ASAP1: variants seen among roughly 807,000 people sequenced by gnomAD.
ASAP1 encodes the protein ArfGAP with SH3 domain, ankyrin repeat and PH domain 1.
In ASAP1, 43 loss-of-function variants were observed where a neutral mutation model predicts 145.2. That is an observed-to-expected ratio of 0.30 (90% CI 0.23 to 0.38). ASAP1 has a LOEUF of 0.38. ASAP1 is among the 10% of genes least tolerant of loss of function. The pLI is 1.00. For synonymous variants in ASAP1, 546 were observed against 515.5 expected (o/e 1.06, Z -0.80); for missense variants, 1,018 against 1,355.3 (o/e 0.75, Z 3.91).
At chr8:130,300,770 T>C (rs1200893495) in intron 3 of ASAP1, among the ~76,000 whole-genome samples, 2 of 152,230 alleles carry the variant, frequency 1.3e-5, no homozygotes, top group East Asian at 3.8e-4. Flanking sequence ...AACTGGATTC[T>C]TGAAAGCCCA....
chr8:130,367,626 G>C (rs913319495), intron 2 of ASAP1, among the ~76,000 whole-genome samples: 1 of 152,152 alleles, frequency 6.6e-6, no homozygotes, highest in Non-Finnish European at 1.5e-5. Flanking sequence ...GCACCTTGGG[G>C]CACAGGCTCT....
chr8:130,171,418 T>G (rs1813587722), intron 9 of ASAP1, among the ~76,000 whole-genome samples: 1 of 151,928 alleles, frequency 6.6e-6, no homozygotes, highest in South Asian at 2.1e-4. Context: ...AAGGCACCTC[T>G]TCACAGGGCG....
chr8:130,339,266 T>G (rs1379928537), intron 3 of ASAP1, among the ~76,000 whole-genome samples: 2 of 151,878 alleles, frequency 1.3e-5, no homozygotes, highest in African/African-American at 4.8e-5. Context: ...CACCAATATC[T>G]CAAGGTAAAA....
In ASAP1 at chr8:130,358,180, G is replaced by A. The variant is rs752958140; in HGVS notation, c.60-37C>T. 4.5e-6 allele frequency: 7 copies of A among 1,570,452 alleles called. No individual in the cohort carries two copies. Among genetic ancestry groups the A allele is most frequent in the East Asian group, 2.3e-5 (1 of 42,888 alleles). On this transcript the variant is annotated intron_variant, in intron 2 of 29. Coordinates refer to ENST00000518721, the MANE Select transcript of ASAP1 (RefSeq NM_018482.4). The surrounding 1 kb of genome is among the most constrained non-coding windows in gnomAD (Gnocchi z 4.1). The stretch of plus-strand genomic sequence containing the variant: ...GACGAGACACAAGCGGGGGCGGGGG[G>A]TGAGTCACGGCGCAGGCTCCCGGGG...
At chr8:130,230,497 C>T (rs1311712975) in intron 4 of ASAP1, among the ~76,000 whole-genome samples, 2 of 151,982 alleles carry the variant, frequency 1.3e-5, no homozygotes, top group South Asian at 2.1e-4. Context: ...AAGTATATTC[C>T]CTTTGGGGGA....
At chr8:130,170,423 G>A (rs1403409410) in intron 9 of ASAP1, among the ~76,000 whole-genome samples, 1 of 152,060 alleles carries the variant, frequency 6.6e-6, no homozygotes, top group Admixed American at 6.6e-5. Context: ...CCAAAATGCT[G>A]GGATTACAGG....
At chr8:130,432,714 C>T (rs755765891) in intron 1 of ASAP1, among the ~76,000 whole-genome samples, 11 of 152,140 alleles carry the variant, frequency 7.2e-5, no homozygotes, top group Non-Finnish European at 1.3e-4. Context: ...GTACGTCCCA[C>T]AAAAGAAGAG....
chr8:130,115,621 C>T lies in ASAP1; in HGVS notation c.2172+7G>A, dbSNP rs1336537706. 3.7e-6 allele frequency: 6 copies of T among 1,605,174 alleles called. No individual in the cohort carries two copies. Among genetic ancestry groups the T allele is most frequent in the East Asian group, 2.2e-5 (1 of 44,824 alleles). ...GTTGAGAATTCGAGGACATAATTTA[C>T]ACTCACTTTGTCATCCAGATCATCA... On this transcript the variant is annotated splice_region_variant and intron_variant, in intron 23 of 29. Coordinates refer to ENST00000518721, the MANE Select transcript of ASAP1 (RefSeq NM_018482.4).
chr8:130,394,045 G>A (rs187276961), intron 2 of ASAP1, among the ~76,000 whole-genome samples: 40 of 152,236 alleles, frequency 2.6e-4, no homozygotes, highest in African/African-American at 7.9e-4. Flanking sequence ...ACCCTGTGAT[G>A]ATTGCATTAA....
chr8:130,203,967 A>G (rs1191226854), intron 5 of ASAP1, among the ~76,000 whole-genome samples: 1 of 152,188 alleles, frequency 6.6e-6, no homozygotes, highest in Non-Finnish European at 1.5e-5. Context: ...TAAATTTTAC[A>G]TTATGTCCAA....
intron 4 of ASAP1, among the ~76,000 whole-genome samples, chr8:130,227,477 C>A (rs980174434): frequency 1.3e-5 from 2 of 151,752 alleles, no homozygotes; most frequent in African/African-American, 4.8e-5. Flanking sequence ...AGGCTGGTCT[C>A]GAATTCCTGG....
At chr8:130,158,348 T>TAA (rs35826450) in intron 12 of ASAP1, among the ~76,000 whole-genome samples, 39 of 137,370 alleles carry the variant, frequency 2.8e-4, no homozygotes, top group South Asian at 1.2e-3. Flanking sequence ...TGCTTATATT[T>TAA]AAAAAAAAAA....
chr8:130,246,535 A>ACTCT (rs764847111), intron 3 of ASAP1, among the ~76,000 whole-genome samples: 2 of 151,036 alleles, frequency 1.3e-5, no homozygotes, highest in Non-Finnish European at 1.5e-5. Context: ...CGGTGCTTCC[A>ACTCT]CTCTCTCTCT....
chr8:130,258,693 T>C (rs568679811), intron 3 of ASAP1, among the ~76,000 whole-genome samples: 4 of 152,204 alleles, frequency 2.6e-5, no homozygotes, highest in Non-Finnish European at 5.9e-5. Flanking sequence ...GCTTGGTACA[T>C]AGTAGGTGCT....
intron 18 of ASAP1, among the ~76,000 whole-genome samples, chr8:130,119,415 A>C (rs2097561935): frequency 6.6e-6 from 1 of 152,234 alleles, no homozygotes; most frequent in Non-Finnish European, 1.5e-5. Flanking sequence ...AAAGTCTGAA[A>C]GGGTGTAGTA....
chr8:130,289,069 C>T (rs1426720292), intron 3 of ASAP1, among the ~76,000 whole-genome samples: 2 of 152,106 alleles, frequency 1.3e-5, no homozygotes, highest in East Asian at 1.9e-4. Context: ...GCCTGTAGTC[C>T]CAGGTACTCG....
At chr8:130,117,045 A>C in intron 20 of ASAP1, 50 bp from the exon 21 acceptor site, 2 of 1,346,244 alleles carry the variant, frequency 1.5e-6, no homozygotes, top group South Asian at 2.6e-5. Flanking sequence ...TTATAACTTA[A>C]AACTATAGAT....
At chr8:130,233,220 C>A (rs7821742) in intron 4 of ASAP1, among the ~76,000 whole-genome samples, 1 of 152,120 alleles carries the variant, frequency 6.6e-6, no homozygotes, top group Non-Finnish European at 1.5e-5. Context: ...CCACAGGTTA[C>A]AATGCTGGGA....
At chr8:130,283,925 G>C (rs1432940177) in intron 3 of ASAP1, among the ~76,000 whole-genome samples, 1 of 152,176 alleles carries the variant, frequency 6.6e-6, no homozygotes, top group Non-Finnish European at 1.5e-5. Context: ...ATCAGATGTA[G>C]GAAATCCCCA....
Sources: allele counts gnomAD v4.1 joint callset (sites outside exome capture counted in the v4.1 genomes callset), GRCh38; gene constraint gnomAD v4.1.1; non-coding constraint Gnocchi (gnomAD v3.1); transcripts MANE v1.5; gene names NCBI Gene and HGNC (gene_info 2026-07-23, HGNC 2026-07-21).